The following ARHGAP24 variants were observed in gnomAD, a reference collection of about 807,000 sequenced individuals.
ARHGAP24 encodes Rho GTPase activating protein 24.
A neutral mutation model predicts 76.4 loss-of-function variants in ARHGAP24; 50 were observed. The observed-to-expected ratio is 0.65, with a 90% confidence interval of 0.52 to 0.83. The LOEUF (loss-of-function observed/expected upper bound fraction) is 0.83, where lower values mean the gene tolerates loss of function less well. ARHGAP24 is among the 40% of genes least tolerant of loss of function. The pLI is 0.00. For missense variants in ARHGAP24, 930 were observed against 914.2 expected, an observed-to-expected ratio of 1.02 and a Z score of -0.22; for synonymous variants, 345 against 323.3, an observed-to-expected ratio of 1.07 and a Z score of -0.72.
chr4:85,589,585 G>C (rs1030460689), intron 2 of ARHGAP24, among the ~76,000 whole-genome samples: 5 of 152,142 alleles, frequency 3.3e-5, no homozygotes, highest in Non-Finnish European at 5.9e-5. Flanking sequence ...TAATTAATGA[G>C]TCTGGTTCCT....
chr4:85,748,170 T>G (rs570341164), intron 3 of ARHGAP24, among the ~76,000 whole-genome samples: 1 of 152,374 alleles, frequency 6.6e-6, no homozygotes, highest in African/African-American at 2.4e-5. Context: ...TTTGATGTCT[T>G]TAACACCAGT....
chr4:85,770,086 C>T (rs1288585838), intron 3 of ARHGAP24, among the ~76,000 whole-genome samples: 2 of 152,152 alleles, frequency 1.3e-5, no homozygotes, highest in East Asian at 1.9e-4. Context: ...CACTGATGGA[C>T]AATTTATTTT....
At chr4:85,755,626 G>GTGTTT (rs1553927669) in intron 3 of ARHGAP24, among the ~76,000 whole-genome samples, 2 of 117,372 alleles carry the variant, frequency 1.7e-5, no homozygotes, top group Non-Finnish European at 3.6e-5. Context: ...CTATTCTTTT[G>GTGTTT]TTTTGTTTTG....
At position 85,993,946 on chromosome 4, in the gene ARHGAP24, G is replaced by T. The variant is rs1050103146; in HGVS notation, c.929-637G>T. 3.9e-5 allele frequency among the ~76,000 whole-genome samples: 6 copies of T among 152,186 alleles called. No homozygotes were observed. In the East Asian group the frequency reaches 1.2e-3, roughly 29 times the overall value. ...GATTTTTGCTAGTTGCTTATATGGT[G>T]AAGAGGATTTTTGGAGGTCTTCACT... On this transcript the variant is annotated intron_variant, in intron 8 of 9. Transcript: ENST00000395184.
chr4:85,923,500 T>A lies in ARHGAP24; in HGVS notation c.269-148T>A. Reference sequence around the variant, plus strand: ...TCCTTTTTAAAATTTTTCTTTCCACTCAGAAACCATGGTAAATATTTCATC... The same window carrying A: ...TCCTTTTTAAAATTTTTCTTTCCACACAGAAACCATGGTAAATATTTCATC... On this transcript the variant is annotated intron_variant, in intron 3 of 9. Coordinates refer to ENST00000395184, the MANE Select transcript of ARHGAP24 (RefSeq NM_001025616.3). The A allele has an allele frequency of 8.4e-6, 10 of 1,185,572 alleles. No individual in the cohort carries two copies. In the South Asian group the frequency reaches 1.3e-4, roughly 16 times the overall value. The allele number at this position is 1,185,572 out of a possible 1,614,324, so 73.4% of individuals were successfully genotyped here. A position where few individuals can be genotyped will look rare whatever the true frequency, so the allele number is the denominator to read the frequency against.
intron 1 of ARHGAP24, among the ~76,000 whole-genome samples, chr4:85,552,112 T>TCCCC (rs1726163181): frequency 6.6e-6 from 1 of 152,160 alleles, no homozygotes; most frequent in African/African-American, 2.4e-5. Context: ...GGTGATGATG[T>TCCCC]TAGGTTGTTA....
intron 2 of ARHGAP24, among the ~76,000 whole-genome samples, chr4:85,630,745 ATAATT>A (rs1054248434): frequency 6.6e-6 from 1 of 151,982 alleles, no homozygotes; most frequent in African/African-American, 2.4e-5. Flanking sequence ...TATTTAAATA[ATAATT>A]TAAAGAATTA....
chr4:85,898,451 A>G (rs1734318822), intron 3 of ARHGAP24, among the ~76,000 whole-genome samples: 1 of 152,230 alleles, frequency 6.6e-6, no homozygotes, highest in Non-Finnish European at 1.5e-5. Flanking sequence ...TTAAAGAGCA[A>G]GATGACTGTC....
chr4:85,995,808 A>G (rs1238241231), intron 9 of ARHGAP24, 151 bp downstream of exon 9: 2 of 775,372 alleles, frequency 2.6e-6, no homozygotes, highest in Non-Finnish European at 4.3e-6. Flanking sequence ...ACTGTGTGCA[A>G]GTTAGCTTCA....
chr4:85,564,936 A>G (rs1237741690), intron 1 of ARHGAP24, among the ~76,000 whole-genome samples: 1 of 94,456 alleles, frequency 1.1e-5, no homozygotes, highest in African/African-American at 5.7e-5. Flanking sequence ...ATATATATAT[A>G]TATATATATA....
intron 3 of ARHGAP24, among the ~76,000 whole-genome samples, chr4:85,867,907 A>ATATATG (rs372968277): frequency 7.6e-5 from 11 of 144,914 alleles, no homozygotes; most frequent in Non-Finnish European, 1.4e-4. Flanking sequence ...ACATATATAT[A>ATATATG]TACATATATG....
chr4:86,001,320 T>C lies in ARHGAP24; in HGVS notation c.*598T>C. 2.5e-6 allele frequency: 1 copy of C among 398,956 alleles called. No homozygotes were observed. Among genetic ancestry groups the C allele is most frequent in the Non-Finnish European group, 4.4e-6 (1 of 226,064 alleles). 24.7% of individuals were successfully genotyped at this position (398,956 alleles called of 1,614,324 possible). ...AATACAGTCGAATCACCAGGAACCTTTGAGCTGCTTTTAAAATTCTTCCCC... is the reference window on the plus strand; with the variant it reads ...AATACAGTCGAATCACCAGGAACCTCTGAGCTGCTTTTAAAATTCTTCCCC... On this transcript the variant is annotated 3_prime_UTR_variant, in exon 10 of 10. Transcript: ENST00000395184.
At chr4:85,704,083 C>T (rs904652505) in intron 2 of ARHGAP24, among the ~76,000 whole-genome samples, 14 of 152,122 alleles carry the variant, frequency 9.2e-5, no homozygotes, top group Admixed American at 5.2e-4. Context: ...GAAATTCTTG[C>T]GTGCTGTTGT....
chr4:85,838,326 G>C (rs67579023), intron 3 of ARHGAP24, among the ~76,000 whole-genome samples: 15,265 of 152,142 alleles, frequency 0.1, 1,144 homozygotes, highest in East Asian at 0.29. Context: ...AGCCGGGCAC[G>C]GTGGCTCACG....
At chr4:85,769,292 A>G (rs971959783) in intron 3 of ARHGAP24, among the ~76,000 whole-genome samples, 3 of 152,190 alleles carry the variant, frequency 2.0e-5, no homozygotes, top group African/African-American at 7.2e-5. Context: ...CATTTTGCCA[A>G]GCATCTTGAC....
intron 3 of ARHGAP24, among the ~76,000 whole-genome samples, chr4:85,894,096 T>TAAG (rs139310412): frequency 1.8e-5 from 1 of 54,100 alleles, no homozygotes; most frequent in African/African-American, 5.6e-5. Flanking sequence ...ACTTAGAGTA[T>TAAG]AATAAAAAAA....
chr4:85,972,280 T>C, intron 6 of ARHGAP24, 112 bp downstream of exon 6: 10 of 1,401,486 alleles, frequency 7.1e-6, no homozygotes, highest in East Asian at 2.3e-5. Context: ...CTCTCCACTA[T>C]CCTTTGAATT....
intron 2 of ARHGAP24, among the ~76,000 whole-genome samples, chr4:85,665,541 A>G (rs1268769610): frequency 6.6e-6 from 1 of 152,122 alleles, no homozygotes; most frequent in Non-Finnish European, 1.5e-5. Context: ...TGATGTGTGA[A>G]TTTGATCCTG....
In ARHGAP24 at chr4:85,986,867, C is replaced by T. The variant is rs1185302231; in HGVS notation, c.929-7716C>T. Among the ~76,000 whole-genome samples, 3 of 151,960 alleles carry T rather than the reference C, an allele frequency of 2.0e-5. No homozygotes were observed. The East Asian group carries it at 5.8e-4, about 29-fold the overall frequency. ...TGTAGAGTTCTCACAAAGGTATTAC[C>T]TTAGTGCTAAGATTTAAATTATGGA... On this transcript the variant is annotated intron_variant, in intron 8 of 9. Coordinates refer to ENST00000395184, the MANE Select transcript of ARHGAP24 (RefSeq NM_001025616.3).
Sources: allele counts gnomAD v4.1 joint callset (sites outside exome capture counted in the v4.1 genomes callset), GRCh38; gene constraint gnomAD v4.1.1; transcripts MANE v1.5; gene names NCBI Gene and HGNC (gene_info 2026-07-23, HGNC 2026-07-21).